SORCS2: variants seen among roughly 807,000 people sequenced by gnomAD.
SORCS2 encodes the protein sortilin related VPS10 domain containing receptor 2.
In SORCS2, 100 loss-of-function variants were observed where a neutral mutation model predicts 141.6. That is an observed-to-expected ratio of 0.71 (90% CI 0.60 to 0.83). The LOEUF is 0.83. Among genes scored for constraint, SORCS2 ranks in the 40% least tolerant of loss-of-function variants. SORCS2 has a pLI of 0.00. For missense variants in SORCS2, 1,646 were observed against 1,560.2 expected (o/e 1.05, Z -0.93); for synonymous variants, 789 against 676.9 (o/e 1.17, Z -2.57).
chr4:7,290,724 G>C (rs1716543157), intron 1 of SORCS2, among the ~76,000 whole-genome samples: 2 of 152,202 alleles, frequency 1.3e-5, no homozygotes, highest in Admixed American at 6.5e-5. Flanking sequence ...GTGTGTATGT[G>C]TTTTGGGGAA....
intron 3 of SORCS2, among the ~76,000 whole-genome samples, chr4:7,588,551 C>T (rs967817666): frequency 6.6e-6 from 1 of 152,142 alleles, no homozygotes; most frequent in Non-Finnish European, 1.5e-5. Context: ...GATCAAGTTC[C>T]CTCTGAGGTT....
intron 1 of SORCS2, among the ~76,000 whole-genome samples, chr4:7,302,941 T>C (rs1379914927): frequency 6.6e-6 from 1 of 152,210 alleles, no homozygotes; most frequent in East Asian, 1.9e-4. Flanking sequence ...TTGAGGTTTG[T>C]GTGCCCCTAG....
intron 2 of SORCS2, among the ~76,000 whole-genome samples, chr4:7,499,919 G>A (rs1236816051): frequency 6.6e-6 from 1 of 152,110 alleles, no homozygotes; most frequent in African/African-American, 2.4e-5. Flanking sequence ...GGTGTGTCAG[G>A]TCCCAGGGGA....
At chr4:7,547,839 C>A (rs113154133) in intron 3 of SORCS2, among the ~76,000 whole-genome samples, 1 of 152,244 alleles carries the variant, frequency 6.6e-6, no homozygotes, top group African/African-American at 2.4e-5. Flanking sequence ...TCCACCGGCA[C>A]CTGGCACCCT....
chr4:7,336,432 A>AAGG (rs1443500816), intron 1 of SORCS2, among the ~76,000 whole-genome samples: 1 of 151,544 alleles, frequency 6.6e-6, no homozygotes, highest in Non-Finnish European at 1.5e-5. Flanking sequence ...CAGATGGATG[A>AAGG]AGGACTCTTG....
At chr4:7,322,067 G>C (rs1033689514) in intron 1 of SORCS2, among the ~76,000 whole-genome samples, 1 of 152,184 alleles carries the variant, frequency 6.6e-6, no homozygotes, top group Non-Finnish European at 1.5e-5. Context: ...CATGAGGCTC[G>C]TAGAGGGCCT....
At position 7,454,560 on chromosome 4, in the gene SORCS2, T is replaced by G. The variant is rs1276733197; in HGVS notation, c.548+58205T>G. Among the ~76,000 whole-genome samples the G allele has an allele frequency of 2.0e-3, 205 of 102,940 alleles. 1 individual carries two copies. The highest frequency in any genetic ancestry group is 7.7e-3 in the African/African-American group (190 of 24,778). 67.5% of individuals were successfully genotyped at this position (102,940 alleles called of 152,430 possible). A position where few individuals can be genotyped will look rare whatever the true frequency, so the allele number is the denominator to read the frequency against. ...GCTGTGTTGGGGTCAGGCACTGTGT[T>G]GGGGTCAGGAGCTGTGTGTTGGGGT... On this transcript the variant is annotated intron_variant, in intron 2 of 26. Transcript: ENST00000507866.
intron 3 of SORCS2, among the ~76,000 whole-genome samples, chr4:7,568,885 G>C (rs1043717393): frequency 2.0e-5 from 3 of 152,180 alleles, no homozygotes. Context: ...GGCACAAGAT[G>C]TAAACCATTC....
chr4:7,424,360 C>G (rs1195635622), intron 2 of SORCS2, among the ~76,000 whole-genome samples: 2 of 152,240 alleles, frequency 1.3e-5, no homozygotes, highest in Non-Finnish European at 2.9e-5. Flanking sequence ...TGTCTCCAGC[C>G]TGGGCTCTCT....
chr4:7,360,244 G>A (rs1194282695), intron 1 of SORCS2, among the ~76,000 whole-genome samples: 2 of 152,106 alleles, frequency 1.3e-5, no homozygotes, highest in African/African-American at 4.8e-5. Context: ...TGTTATTGTC[G>A]AAGAGGCATT....
rs1178023918 is a variant in SORCS2 at position 7,550,048 on chromosome 4, G to C, written c.648+18419G>C. Among the ~76,000 whole-genome samples, 4 of 151,328 alleles carry C rather than the reference G, an allele frequency of 2.6e-5. No homozygotes were observed. The East Asian group carries it at 7.7e-4, about 29-fold the overall frequency. On this transcript the variant is annotated intron_variant, in intron 3 of 26. Transcript: ENST00000507866. ...AACAGAGCAGGGCCGGGGAGAGCTG[G>C]TGGCAACTGGAAATAGCAGCTCCTC... is the stretch of plus-strand genomic sequence containing the variant.
intron 3 of SORCS2, among the ~76,000 whole-genome samples, chr4:7,546,708 G>A (rs73075291): frequency 0.075 from 11,379 of 152,188 alleles, 728 homozygotes; most frequent in African/African-American, 0.17. Flanking sequence ...ACAAGAGCAC[G>A]TGTAGCCTGA....
chr4:7,523,840 G>A (rs1014149986), intron 2 of SORCS2, among the ~76,000 whole-genome samples: 31 of 152,104 alleles, frequency 2.0e-4, no homozygotes, highest in African/African-American at 3.1e-4. Context: ...CCTCGAAGCC[G>A]TACACTTAAC....
At chr4:7,434,826 G>T in intron 2 of SORCS2, 1 of 1,599,178 alleles carries the variant, frequency 6.3e-7, no homozygotes. Context: ...CTGAGGTGGG[G>T]CTGGCCCTGG....
chr4:7,392,047 C>T (rs919814463), intron 1 of SORCS2, among the ~76,000 whole-genome samples: 2 of 152,238 alleles, frequency 1.3e-5, no homozygotes, highest in Non-Finnish European at 2.9e-5. Context: ...TTCAGACATT[C>T]TCAAGAATTT....
chr4:7,720,648 C>T (rs1560110180), intron 18 of SORCS2, among the ~76,000 whole-genome samples: 1 of 152,208 alleles, frequency 6.6e-6, no homozygotes, highest in Non-Finnish European at 1.5e-5. Flanking sequence ...GAACACTCAA[C>T]AGCAAGGAAA....
At chr4:7,386,664 C>G (rs1376218930) in intron 1 of SORCS2, among the ~76,000 whole-genome samples, 1 of 151,218 alleles carries the variant, frequency 6.6e-6, no homozygotes, top group African/African-American at 2.4e-5. Context: ...AATACATGCA[C>G]ACACACATAG....
intron 18 of SORCS2, among the ~76,000 whole-genome samples, chr4:7,718,787 T>G (rs1045184195): frequency 2.6e-5 from 4 of 152,224 alleles, no homozygotes; most frequent in African/African-American, 9.6e-5. Flanking sequence ...GTAGAACATT[T>G]GGAAAACACA....
chr4:7,623,910 A>G (rs993262800), intron 3 of SORCS2, among the ~76,000 whole-genome samples: 1 of 152,122 alleles, frequency 6.6e-6, no homozygotes, highest in Admixed American at 6.5e-5. Flanking sequence ...CGCGCGTCCC[A>G]TATCCACCTC....
Sources: allele counts gnomAD v4.1 joint callset (sites outside exome capture counted in the v4.1 genomes callset), GRCh38; gene constraint gnomAD v4.1.1; transcripts MANE v1.5; gene names NCBI Gene and HGNC (gene_info 2026-07-23, HGNC 2026-07-21).